Variants in TMPRSS11A observed in about 807,000 individuals in gnomAD.
TMPRSS11A encodes the protein transmembrane protease serine 11A.
TMPRSS11A carries 53 observed loss-of-function variants against 58.9 expected under a neutral mutation model. That is an observed-to-expected ratio of 0.90 (90% CI 0.72 to 1.13). The LOEUF (loss-of-function observed/expected upper bound fraction) is 1.13. TMPRSS11A is among the 50% of genes most tolerant of loss of function. The pLI is 0.00. For synonymous variants in TMPRSS11A, 167 were observed against 169.8 expected, an observed-to-expected ratio of 0.98 and a Z score of 0.13; for missense variants, 493 against 499.3, an observed-to-expected ratio of 0.99 and a Z score of 0.12.
At chr4:67,918,876 CTG>C (rs1435583973) in intron 8 of TMPRSS11A, 95 bp downstream of exon 8, 1 of 1,386,400 alleles carries the variant, frequency 7.2e-7, no homozygotes, top group Non-Finnish European at 1.0e-6. Context: ...TCCAACCAGA[CTG>C]TGTGGAAATG....
rs181070592 is a variant in TMPRSS11A at position 67,947,038 on chromosome 4, A to G, written c.12-467T>C. Among the ~76,000 whole-genome samples, 9 of 152,276 alleles carry G rather than the reference A, an allele frequency of 5.9e-5. No homozygotes were observed. In the East Asian group the frequency reaches 1.7e-3, roughly 29 times the overall value. ...AAATTACTAAGAATAGTATAATTGA[A>G]CATCCATATATATATCACATTATTA... On this transcript the variant is annotated intron_variant, in intron 1 of 9. Transcript: ENST00000508048.
At chr4:67,917,647 G>A (rs1029952877) in intron 8 of TMPRSS11A, among the ~76,000 whole-genome samples, 8 of 152,098 alleles carry the variant, frequency 5.3e-5, no homozygotes, top group Admixed American at 2.6e-4. Context: ...AAGAGAGGCC[G>A]TGTTCAAGTA....
intron 5 of TMPRSS11A, among the ~76,000 whole-genome samples, chr4:67,928,745 C>T (rs983368994): frequency 6.6e-5 from 10 of 152,204 alleles, no homozygotes; most frequent in Non-Finnish European, 1.0e-4. Context: ...CATTACCTCA[C>T]ATTTTTTACT....
intron 1 of TMPRSS11A, among the ~76,000 whole-genome samples, chr4:67,957,678 C>T (rs1721319093): frequency 6.6e-6 from 1 of 152,114 alleles, no homozygotes; most frequent in Non-Finnish European, 1.5e-5. Context: ...CAGAAAATCC[C>T]ATTTTCTGAG....
intron 4 of TMPRSS11A, 118 bp downstream of exon 4, chr4:67,931,875 A>C (rs1002491213): frequency 3.1e-6 from 2 of 646,930 alleles, no homozygotes; most frequent in African/African-American, 3.6e-5. Flanking sequence ...GGTAATGTTT[A>C]TGAAAAATTC....
intron 3 of TMPRSS11A, among the ~76,000 whole-genome samples, chr4:67,943,266 TC>T (rs1279264286): frequency 5.3e-5 from 8 of 152,204 alleles, no homozygotes; most frequent in African/African-American, 1.9e-4. Flanking sequence ...CCTATTGCAT[TC>T]TTCTCCGTTT....
intron 3 of TMPRSS11A, among the ~76,000 whole-genome samples, chr4:67,943,412 T>C (rs1006240762): frequency 6.6e-6 from 1 of 152,178 alleles, no homozygotes; most frequent in Non-Finnish European, 1.5e-5. Context: ...CAAAGGTGTG[T>C]TTATCTTTTT....
In TMPRSS11A at chr4:67,925,263, T is replaced by A. The variant is rs530123522; in HGVS notation, c.482-1097A>T. Among the ~76,000 whole-genome samples the A allele has an allele frequency of 2.6e-5, 4 of 152,308 alleles. No individual in the cohort carries two copies. In the East Asian group the frequency reaches 7.7e-4, roughly 29 times the overall value. On this transcript the variant is annotated intron_variant, in intron 5 of 9. Coordinates refer to ENST00000508048, the MANE Select transcript of TMPRSS11A (RefSeq NM_001114387.2). ...ACATGTATCAAAGCATCATGTTGTA[T>A]ACAGTATACAATTTTTATTTGTCAA...
intron 3 of TMPRSS11A, among the ~76,000 whole-genome samples, chr4:67,942,864 T>C (rs1400754450): frequency 6.6e-6 from 1 of 152,146 alleles, no homozygotes; most frequent in East Asian, 1.9e-4. Flanking sequence ...TAAAGGTATA[T>C]TTAGTAACAT....
chr4:67,914,379 TTTTG>T lies in TMPRSS11A; in HGVS notation c.1095+205_1095+208del, dbSNP rs374125044. Among the ~76,000 whole-genome samples, 396 of 152,362 alleles carry T rather than the reference TTTTG, an allele frequency of 2.6e-3. 2 individuals are homozygous for T. The highest frequency in any genetic ancestry group is 8.9e-3 in the African/African-American group (371 of 41,586). On this transcript the variant is annotated intron_variant, in intron 9 of 9. Transcript: ENST00000508048. ...TGGATTTCTGGTTAAGAAATTCTAA[TTTTG>T]TTTGTTTGATAGCATCAGAGAAACT...
At chr4:67,913,553 G>A (rs905123556) in intron 9 of TMPRSS11A, among the ~76,000 whole-genome samples, 3 of 152,100 alleles carry the variant, frequency 2.0e-5, no homozygotes, top group Admixed American at 1.3e-4. Flanking sequence ...CCCTCCTAAG[G>A]CTTTTCAGTA....
At chr4:67,931,501 G>T (rs959979722) in intron 4 of TMPRSS11A, among the ~76,000 whole-genome samples, 8 of 152,106 alleles carry the variant, frequency 5.3e-5, no homozygotes, top group Non-Finnish European at 1.0e-4. Context: ...ATGACAGAAA[G>T]AAAATTTATT....
Position 67,944,592 on chromosome 4 carries a change from G to A in TMPRSS11A, c.179C>T (p.Pro60Leu), listed in dbSNP as rs1385007692. 4 of 1,612,520 alleles carry A rather than the reference G, an allele frequency of 2.5e-6. No individual in the cohort carries two copies. The highest frequency in any genetic ancestry group is 3.4e-6 in the Non-Finnish European group (4 of 1,178,856). Residue 60 changes from proline (P) to leucine (L), a missense_variant, in exon 3 of 10, where the codon CCA becomes CTA. Coordinates refer to ENST00000508048, the MANE Select transcript of TMPRSS11A (RefSeq NM_001114387.2). ...YYHGSFKILDPQINNNFGQSN... is the reference protein window; with the variant it reads ...YYHGSFKILDLQINNNFGQSN... ...TTGTCCGAAATTGTTATTGATTTGT[G>A]GATCTAAAATTTTAAAGGAGCCATG...
chr4:67,942,479 T>C (rs1720904056), intron 3 of TMPRSS11A, among the ~76,000 whole-genome samples: 1 of 152,232 alleles, frequency 6.6e-6, no homozygotes, highest in Non-Finnish European at 1.5e-5. Context: ...ATCATCTTCA[T>C]CTTGGAATCT....
chr4:67,913,063 A>T (rs1190154727), intron 9 of TMPRSS11A, among the ~76,000 whole-genome samples: 1 of 152,148 alleles, frequency 6.6e-6, no homozygotes, highest in Non-Finnish European at 1.5e-5. Flanking sequence ...ACTGGATTTT[A>T]AAAATTATGA....
chr4:67,944,577 T>C lies in TMPRSS11A; in HGVS notation c.194A>G (p.Asn65Ser), dbSNP rs1720957287. 1 of 1,613,204 alleles carries C rather than the reference T, an allele frequency of 6.2e-7. No individual in the cohort carries two copies. The highest frequency in any genetic ancestry group is 8.5e-7 in the Non-Finnish European group (1 of 1,179,262). Residue 65 changes from asparagine to serine, a missense_variant, in exon 3 of 10, where the codon AAT becomes AGT. Physicochemically the swap from Asn to Ser is conservative, Grantham distance 46. Coordinates refer to ENST00000508048, the MANE Select transcript of TMPRSS11A (RefSeq NM_001114387.2). ...FKILDPQINN[N>S]FGQSNTYQLK... ...TTGATATGTGTTGCTTTGTCCGAAATTGTTATTGATTTGTGGATCTAAAAT... is the reference window on the plus strand; with the variant it reads ...TTGATATGTGTTGCTTTGTCCGAAACTGTTATTGATTTGTGGATCTAAAAT...
chr4:67,931,371 T>C (rs1244801347), intron 4 of TMPRSS11A, among the ~76,000 whole-genome samples: 1 of 152,144 alleles, frequency 6.6e-6, no homozygotes, highest in Non-Finnish European at 1.5e-5. Flanking sequence ...GAAATATGAG[T>C]CATACAGGCT....
chr4:67,958,890 A>G (rs1367856085), intron 1 of TMPRSS11A, among the ~76,000 whole-genome samples: 3 of 152,194 alleles, frequency 2.0e-5, no homozygotes, highest in Admixed American at 2.0e-4. Flanking sequence ...TTCTTGTGAT[A>G]ATGAATAAGT....
At chr4:67,942,777 G>C (rs1720910304) in intron 3 of TMPRSS11A, among the ~76,000 whole-genome samples, 1 of 152,120 alleles carries the variant, frequency 6.6e-6, no homozygotes, top group African/African-American at 2.4e-5. Context: ...AGTCTGTTTA[G>C]TGTGGCATTT....
Sources: allele counts gnomAD v4.1 joint callset (sites outside exome capture counted in the v4.1 genomes callset), GRCh38; gene constraint gnomAD v4.1.1; transcripts MANE v1.5; gene names NCBI Gene and HGNC (gene_info 2026-07-23, HGNC 2026-07-21).